CSMD1: variants seen among roughly 807,000 people sequenced by gnomAD.
CSMD1 encodes the protein CUB and sushi domain-containing protein 1.
CSMD1 carries 213 observed loss-of-function variants against 417.5 expected under a neutral mutation model. The ratio of observed to expected loss-of-function variants is 0.51; its 90% CI spans 0.46 to 0.57. The LOEUF is 0.57. CSMD1 is among the 20% of genes least tolerant of loss of function. The pLI is 0.00. For missense variants in CSMD1, 6,923 were observed against 4,529.7 expected, an observed-to-expected ratio of 1.53 and a Z score of -15.17; for synonymous variants, 2,862 against 1,736.8, an observed-to-expected ratio of 1.65 and a Z score of -16.11.
At chr8:4,420,605 A>C (rs776152187) in intron 2 of CSMD1, among the ~76,000 whole-genome samples, 1 of 152,166 alleles carries the variant, frequency 6.6e-6, no homozygotes, top group Non-Finnish European at 1.5e-5. Flanking sequence ...CTCAAACATG[A>C]AAGTATTGCA....
At chr8:3,815,626 CTTTTTTT>C (rs5888995) in intron 5 of CSMD1, among the ~76,000 whole-genome samples, 1 of 146,414 alleles carries the variant, frequency 6.8e-6, no homozygotes, top group African/African-American at 2.5e-5. Flanking sequence ...GCTAGACTTT[CTTTTTTT>C]TTTTTTTTAA....
At chr8:3,028,232 A>T (rs666368) in intron 51 of CSMD1, among the ~76,000 whole-genome samples, 73,945 of 152,016 alleles carry the variant, frequency 0.49, 18,184 homozygotes, top group African/African-American at 0.52. Flanking sequence ...AAAAGGTTAG[A>T]GTTCCTGACT....
intron 3 of CSMD1, among the ~76,000 whole-genome samples, chr8:4,084,526 A>G (rs1417463904): frequency 6.6e-6 from 1 of 152,080 alleles, no homozygotes; most frequent in African/African-American, 2.4e-5. Context: ...ATTTTTCCTT[A>G]CTTCCTCAAG....
chr8:4,190,214 G>C lies in CSMD1; in HGVS notation c.416-158115C>G, dbSNP rs138629802. Among the ~76,000 whole-genome samples the C allele has an allele frequency of 6.7e-3, 941 of 141,000 alleles. 17 individuals are homozygous for C. The highest frequency in any genetic ancestry group is 0.024 in the African/African-American group (897 of 37,310). The allele number at this position is 141,000 out of a possible 152,430, so 92.5% of individuals were successfully genotyped here. On this transcript the variant is annotated intron_variant, in intron 3 of 69. Coordinates refer to ENST00000635120, the MANE Select transcript of CSMD1 (RefSeq NM_033225.6). ...GTGGAGCTTGCAGTGAGCTGAGATC[G>C]AGTCACTGCCCTCCAGCCTGGGCAA...
chr8:3,128,735 TTTA>T, intron 41 of CSMD1: 1 of 389,672 alleles, frequency 2.6e-6, no homozygotes, highest in Middle Eastern at 4.4e-4. Context: ...ATTTGTATTA[TTTA>T]TTTTTATATC....
intron 51 of CSMD1, 135 bp downstream of exon 51, chr8:3,029,184 G>C (rs951445227): frequency 8.4e-6 from 5 of 593,754 alleles, no homozygotes; most frequent in East Asian, 5.8e-5. Context: ...GCAATGAAAA[G>C]ACAGGCCATT....
At chr8:3,941,488 A>G (rs1188134621) in intron 5 of CSMD1, among the ~76,000 whole-genome samples, 2 of 152,192 alleles carry the variant, frequency 1.3e-5, no homozygotes, top group African/African-American at 4.8e-5. Flanking sequence ...TCCTCAAGGT[A>G]TCTGAATAAA....
At chr8:3,284,391 T>G in intron 25 of CSMD1, 45 bp from the exon 26 acceptor site, 2 of 1,446,006 alleles carry the variant, frequency 1.4e-6, no homozygotes, top group Non-Finnish European at 1.9e-6. Context: ...GCATCGAGCA[T>G]GTCCTGACCC....
intron 2 of CSMD1, among the ~76,000 whole-genome samples, chr8:4,627,801 G>A (rs957949963): frequency 7.9e-5 from 12 of 152,078 alleles, no homozygotes; most frequent in African/African-American, 2.7e-4. Context: ...GCAGACATAT[G>A]AATAGTATAG....
intron 5 of CSMD1, among the ~76,000 whole-genome samples, chr8:3,838,990 ATATAAT>A (rs1316094792): frequency 3.2e-5 from 4 of 126,304 alleles, no homozygotes; most frequent in East Asian, 4.9e-4. Context: ...ATTATATATC[ATATAAT>A]TATAATATTA....
At chr8:4,339,116 G>C (rs187269162) in intron 3 of CSMD1, among the ~76,000 whole-genome samples, 190 of 152,168 alleles carry the variant, frequency 1.2e-3, no homozygotes, top group Non-Finnish European at 2.4e-3. Flanking sequence ...TCATCTCTGA[G>C]GCAGAAATAT....
At chr8:3,117,136 T>G (rs1816921445) in intron 42 of CSMD1, among the ~76,000 whole-genome samples, 1 of 152,162 alleles carries the variant, frequency 6.6e-6, no homozygotes, top group Non-Finnish European at 1.5e-5. Context: ...AGTGGCACGA[T>G]CTCAGGGCAC....
At chr8:4,037,064 G>A (rs1030668245) in intron 3 of CSMD1, among the ~76,000 whole-genome samples, 2 of 151,986 alleles carry the variant, frequency 1.3e-5, no homozygotes, top group Non-Finnish European at 2.9e-5. Context: ...TGCTGAGACA[G>A]CTCTGGCCAC....
chr8:4,395,052 G>C (rs1051466176), intron 3 of CSMD1, among the ~76,000 whole-genome samples: 1 of 152,128 alleles, frequency 6.6e-6, no homozygotes, highest in African/African-American at 2.4e-5. Context: ...CCTTTCCCGT[G>C]CTGGACAGCT....
chr8:3,064,369 C>T (rs1203401403), intron 49 of CSMD1, among the ~76,000 whole-genome samples: 2 of 152,104 alleles, frequency 1.3e-5, no homozygotes, highest in African/African-American at 4.8e-5. Context: ...TGGCATTTCG[C>T]CCCTAGCTCT....
chr8:4,754,394 G>C (rs1437774349), intron 1 of CSMD1, among the ~76,000 whole-genome samples: 1 of 151,886 alleles, frequency 6.6e-6, no homozygotes, highest in African/African-American at 2.4e-5. Flanking sequence ...TTGATCTGTA[G>C]TGTCATATCC....
At chr8:4,528,779 C>G (rs1367014599) in intron 2 of CSMD1, among the ~76,000 whole-genome samples, 1 of 88,390 alleles carries the variant, frequency 1.1e-5, no homozygotes, top group Non-Finnish European at 2.4e-5. Context: ...TAAGAGCTCA[C>G]TTTCTCTCTC....
chr8:4,122,608 C>A (rs1802548543), intron 3 of CSMD1, among the ~76,000 whole-genome samples: 1 of 152,160 alleles, frequency 6.6e-6, no homozygotes, highest in Non-Finnish European at 1.5e-5. Context: ...GGCTCTTCTG[C>A]AGAGATGGAG....
intron 53 of CSMD1, among the ~76,000 whole-genome samples, chr8:2,998,617 T>G (rs1807123794): frequency 6.6e-6 from 1 of 152,234 alleles, no homozygotes; most frequent in Non-Finnish European, 1.5e-5. Context: ...GTCTGATACT[T>G]TTTAATGTCC....
Sources: allele counts gnomAD v4.1 joint callset (sites outside exome capture counted in the v4.1 genomes callset), GRCh38; gene constraint gnomAD v4.1.1; transcripts MANE v1.5; gene names NCBI Gene and HGNC (gene_info 2026-07-23, HGNC 2026-07-21).